Variants in PLCH1 observed in about 807,000 individuals in gnomAD.
PLCH1 encodes 1-phosphatidylinositol 4,5-bisphosphate phosphodiesterase eta-1.
PLCH1 carries 60 observed loss-of-function variants against 126.7 expected under a neutral mutation model. The ratio of observed to expected loss-of-function variants is 0.47; its 90% CI spans 0.38 to 0.59. The LOEUF is 0.59. PLCH1 is among the 20% of genes least tolerant of loss of function. The pLI is 0.00. For missense variants in PLCH1, 1,723 were observed against 2,040.0 expected (o/e 0.84, Z 2.99); for synonymous variants, 719 against 734.9 (o/e 0.98, Z 0.35).
At chr3:155,732,870 T>G (rs1380234147) in intron 1 of PLCH1, among the ~76,000 whole-genome samples, 1 of 93,554 alleles carries the variant, frequency 1.1e-5, no homozygotes, top group Non-Finnish European at 2.1e-5. Flanking sequence ...AGGGTGAGAC[T>G]GCATCTCAAA....
At chr3:155,740,965 C>T (rs1749578538) in intron 1 of PLCH1, among the ~76,000 whole-genome samples, 1 of 152,222 alleles carries the variant, frequency 6.6e-6, no homozygotes, top group Non-Finnish European at 1.5e-5. Context: ...CACCAAAATA[C>T]ATAGCTGGTA....
intron 2 of PLCH1, among the ~76,000 whole-genome samples, chr3:155,635,331 GA>G (rs1184964210): frequency 6.6e-6 from 1 of 151,940 alleles, no homozygotes; most frequent in Non-Finnish European, 1.5e-5. Context: ...CCTCCATCTG[GA>G]CATTTCAGTA....
intron 2 of PLCH1, among the ~76,000 whole-genome samples, chr3:155,625,139 G>A (rs1251268441): frequency 6.6e-6 from 1 of 152,112 alleles, no homozygotes; most frequent in African/African-American, 2.4e-5. Context: ...ACAAACAATG[G>A]GGAAAGGATT....
chr3:155,628,355 G>GGAA (rs1378494941), intron 2 of PLCH1, among the ~76,000 whole-genome samples: 1 of 54,954 alleles, frequency 1.8e-5, no homozygotes, highest in Non-Finnish European at 2.8e-5. Flanking sequence ...CCTATGCCCA[G>GGAA]GAAAAAAAAA....
intron 2 of PLCH1, among the ~76,000 whole-genome samples, chr3:155,671,306 T>G (rs1743420290): frequency 6.6e-6 from 1 of 152,218 alleles, no homozygotes; most frequent in East Asian, 1.9e-4. Context: ...TACTCGATTT[T>G]TTTTCTAATG....
chr3:155,471,720 A>G (rs546531414), intron 21 of PLCH1, among the ~76,000 whole-genome samples: 38 of 151,662 alleles, frequency 2.5e-4, no homozygotes, highest in African/African-American at 8.0e-4. Context: ...AAATTATAAC[A>G]AACTATCTCT....
chr3:155,524,423 A>G (rs1055016956), intron 10 of PLCH1, among the ~76,000 whole-genome samples: 6 of 152,192 alleles, frequency 3.9e-5, no homozygotes, highest in African/African-American at 1.4e-4. Context: ...ACACACTTTA[A>G]AAAGGGTTTA....
At chr3:155,623,261 T>C (rs543248165) in intron 2 of PLCH1, among the ~76,000 whole-genome samples, 23 of 152,180 alleles carry the variant, frequency 1.5e-4, no homozygotes, top group Admixed American at 2.6e-4. Context: ...AAGCAGTGTG[T>C]AGAGGGAAAT....
At chr3:155,475,707 A>C (rs1445545142), downstream of PLCH1, among the ~76,000 whole-genome samples, 2 of 152,178 alleles carry the variant, frequency 1.3e-5, no homozygotes, top group Non-Finnish European at 2.9e-5. Flanking sequence ...AAATTGGAAA[A>C]TCTAGAAGAA....
intron 10 of PLCH1, among the ~76,000 whole-genome samples, chr3:155,537,201 CCAAAAAAAAAAAAAAAAA>C (rs1723510406): frequency 7.6e-6 from 1 of 132,112 alleles, no homozygotes; most frequent in African/African-American, 3.0e-5. Flanking sequence ...AAAAAAAAAA[CCAAAAAAAAAAAAAAAAA>C]AAAAAAAAAA....
chr3:155,498,009 C>A (rs1161889230), intron 14 of PLCH1, among the ~76,000 whole-genome samples: 6 of 152,222 alleles, frequency 3.9e-5, no homozygotes, highest in Admixed American at 3.9e-4. Flanking sequence ...GCCACAGCAC[C>A]TGGCCATGAG....
Position 155,479,962 on chromosome 3 carries a change from A to G in PLCH1, c.*1006T>C, listed in dbSNP as rs772289214. On this transcript the variant is annotated 3_prime_UTR_variant, in exon 23 of 23. Transcript: ENST00000460012. The stretch of plus-strand genomic sequence containing the variant: ...AGTTAATGTTACAAAAAAAAAAAAC[A>G]AAGAGGGACATCTGAACATGCAATA... 2.0e-5 allele frequency: 3 copies of G among 152,224 alleles called. No homozygotes were observed. Among genetic ancestry groups the G allele is most frequent in the Non-Finnish European group, 4.4e-5 (3 of 67,914 alleles). The allele number at this position is 152,224 out of a possible 1,614,324, so 9.4% of individuals were successfully genotyped here.
chr3:155,699,328 CG>C (rs1205864037), intron 2 of PLCH1, among the ~76,000 whole-genome samples: 3 of 152,152 alleles, frequency 2.0e-5, no homozygotes, highest in African/African-American at 7.2e-5. Flanking sequence ...CCACCTGCCT[CG>C]GCCTCCCAAA....
rs545020377 is a variant in PLCH1, at chr3:155,610,008, A to G, written c.80-13630T>C. ...CATGGAAAACTTCCCTGGCCTCACT[A>G]GAGAGCTAGACATCCAAATATAAGA... is the stretch of plus-strand genomic sequence containing the variant. On this transcript the variant is annotated intron_variant, in intron 2 of 22. Coordinates refer to ENST00000460012, the MANE Select transcript of PLCH1 (RefSeq NM_014996.4). Among the ~76,000 whole-genome samples, 12 of 152,330 alleles carry G rather than the reference A, an allele frequency of 7.9e-5. No individual in the cohort carries two copies. The South Asian group carries it at 1.2e-3, about 16-fold the overall frequency.
At chr3:155,470,784 A>G (rs1421940277) in intron 21 of PLCH1, among the ~76,000 whole-genome samples, 1 of 152,132 alleles carries the variant, frequency 6.6e-6, no homozygotes, top group Admixed American at 6.5e-5. Context: ...ACATTCTTAA[A>G]GAAAAGAATT....
intron 2 of PLCH1, among the ~76,000 whole-genome samples, chr3:155,637,263 A>G (rs1486198195): frequency 6.6e-6 from 1 of 152,224 alleles, no homozygotes; most frequent in Non-Finnish European, 1.5e-5. Context: ...ATGAGCCCTC[A>G]GTCAGAGGTC....
At chr3:155,702,444 T>C (rs1045694788) in intron 2 of PLCH1, among the ~76,000 whole-genome samples, 1 of 152,148 alleles carries the variant, frequency 6.6e-6, no homozygotes, top group African/African-American at 2.4e-5. Flanking sequence ...TTTTACAATC[T>C]CCACAAGCTT....
intron 10 of PLCH1, among the ~76,000 whole-genome samples, chr3:155,544,074 TA>T (rs1395083352): frequency 2.7e-5 from 4 of 150,698 alleles, no homozygotes. Context: ...ATGCTCCAAT[TA>T]AAAGACACAG....
intron 9 of PLCH1, among the ~76,000 whole-genome samples, chr3:155,551,501 T>C (rs73154255): frequency 0.058 from 7,832 of 135,358 alleles, 261 homozygotes; most frequent in Middle Eastern, 0.12. Flanking sequence ...TGCTTGATGA[T>C]GTTTAGTGTA....
Sources: allele counts gnomAD v4.1 joint callset (sites outside exome capture counted in the v4.1 genomes callset), GRCh38; gene constraint gnomAD v4.1.1; transcripts MANE v1.5; gene names NCBI Gene and HGNC (gene_info 2026-07-23, HGNC 2026-07-21).